The following MAF variants were observed in gnomAD, a reference collection of about 807,000 sequenced individuals.
MAF encodes the protein MAF bZIP transcription factor, also known as transcription factor Maf.
In MAF, 10 loss-of-function variants were observed where a neutral mutation model predicts 22.0. That is an observed-to-expected ratio of 0.45 (90% CI 0.28 to 0.77). The LOEUF (loss-of-function observed/expected upper bound fraction) is 0.77, where lower values mean the gene tolerates loss of function less well. Among genes scored for constraint, MAF ranks in the 30% least tolerant of loss-of-function variants. The pLI is 0.12. For missense variants in MAF, 544 were observed against 548.4 expected (o/e 0.99, Z 0.08); for synonymous variants, 337 against 255.8 (o/e 1.32, Z -3.03).
At chr16:79,285,736 C>T in the MAF span, among the ~76,000 whole-genome samples, 1 of 152,208 alleles carries the variant, frequency 6.6e-6, no homozygotes, top group South Asian at 2.1e-4. Flanking sequence ...GCAGGACTCA[C>T]CACCAAATGA....
chr16:79,537,666 T>C, the MAF span, among the ~76,000 whole-genome samples: 1 of 152,204 alleles, frequency 6.6e-6, no homozygotes, highest in Non-Finnish European at 1.5e-5. Context: ...TCAGAACAGA[T>C]GGCTCCTAGA....
the MAF span, among the ~76,000 whole-genome samples, chr16:79,552,752 C>G: frequency 6.6e-6 from 1 of 152,168 alleles, no homozygotes; most frequent in African/African-American, 2.4e-5. Context: ...TACCACCAGA[C>G]TAATTTCTGG....
the MAF span, among the ~76,000 whole-genome samples, chr16:79,580,047 T>G: frequency 1.3e-5 from 2 of 152,038 alleles, no homozygotes; most frequent in African/African-American, 4.8e-5. Context: ...AAGAAACCCT[T>G]CCTTATTATT....
chr16:79,257,499 A>G, the MAF span, among the ~76,000 whole-genome samples: 2 of 152,214 alleles, frequency 1.3e-5, no homozygotes, highest in Admixed American at 1.3e-4. Context: ...GAGGTTTTAA[A>G]GTAAATTCTC....
the MAF span, among the ~76,000 whole-genome samples, chr16:79,350,729 C>G: frequency 1.3e-5 from 2 of 152,152 alleles, no homozygotes; most frequent in Non-Finnish European, 2.9e-5. Context: ...GGGAGGGACC[C>G]TGCAGGGACC....
chr16:79,317,927 C>G, the MAF span, among the ~76,000 whole-genome samples: 1 of 150,060 alleles, frequency 6.7e-6, no homozygotes, highest in Admixed American at 6.6e-5. Flanking sequence ...CTCACTCACT[C>G]ACTCACTCAC....
chr16:79,424,279 A>G, the MAF span, among the ~76,000 whole-genome samples: 3 of 152,194 alleles, frequency 2.0e-5, no homozygotes, highest in Non-Finnish European at 2.9e-5. Flanking sequence ...AAAAGTTACC[A>G]CTAAGAAACA....
At chr16:79,467,350 G>A in the MAF span, among the ~76,000 whole-genome samples, 6 of 152,160 alleles carry the variant, frequency 3.9e-5, no homozygotes, top group Admixed American at 3.9e-4. Context: ...ATCTGCAAGG[G>A]GGCAGGCACG....
the MAF span, among the ~76,000 whole-genome samples, chr16:79,500,888 A>G: frequency 6.6e-6 from 1 of 152,114 alleles, no homozygotes; most frequent in South Asian, 2.1e-4. Context: ...TGCTGACTCA[A>G]AATACTGCAA....
the MAF span, among the ~76,000 whole-genome samples, chr16:79,450,024 A>G: frequency 1.3e-5 from 2 of 152,206 alleles, no homozygotes; most frequent in Non-Finnish European, 2.9e-5. Flanking sequence ...TCTTTTAGGC[A>G]ATTCTGAAAA....
At chr16:79,240,676 C>T in the MAF span, among the ~76,000 whole-genome samples, 1,493 of 151,864 alleles carry the variant, frequency 9.8e-3, 29 homozygotes, top group African/African-American at 0.034. Flanking sequence ...GAACTCCCAG[C>T]ACAGCATTTG....
At chr16:79,424,100 T>A in the MAF span, among the ~76,000 whole-genome samples, 5 of 152,232 alleles carry the variant, frequency 3.3e-5, no homozygotes, top group Non-Finnish European at 7.3e-5. Flanking sequence ...GCTAGGTATT[T>A]ATAGTTTACA....
chr16:79,374,882 G>A, the MAF span, among the ~76,000 whole-genome samples: 14 of 152,302 alleles, frequency 9.2e-5, no homozygotes, highest in African/African-American at 3.4e-4. Context: ...CAGTCAGGGT[G>A]GGGTATGAAA....
chr16:79,290,188 C>G, the MAF span, among the ~76,000 whole-genome samples: 110 of 152,214 alleles, frequency 7.2e-4, no homozygotes, highest in African/African-American at 2.5e-3. Context: ...AAGTCCAAAA[C>G]CCCATGGGAG....
chr16:79,428,096 T>TAA, the MAF span, among the ~76,000 whole-genome samples: 25,463 of 103,990 alleles, frequency 0.24, 3,474 homozygotes, highest in African/African-American at 0.35. Flanking sequence ...CGACTCAAAT[T>TAA]AAAAAAAAAA....
the MAF span, among the ~76,000 whole-genome samples, chr16:79,493,179 GT>G: frequency 1.4e-5 from 2 of 144,584 alleles, no homozygotes. Context: ...TTTTTTGTTT[GT>G]TTTTTTGTTT....
At chr16:79,411,144 G>C in the MAF span, among the ~76,000 whole-genome samples, 1 of 152,050 alleles carries the variant, frequency 6.6e-6, no homozygotes, top group Non-Finnish European at 1.5e-5. Context: ...TCACTATTCA[G>C]GTGATTTTCC....
chr16:79,480,108 T>C, the MAF span, among the ~76,000 whole-genome samples: 1 of 152,294 alleles, frequency 6.6e-6, no homozygotes, highest in East Asian at 1.9e-4. Context: ...CAGATACTCC[T>C]TGACTGCTTT....
In MAF at chr16:79,593,881, T is replaced by A. The variant is rs1913335258; in HGVS notation, c.*579A>T. 5.3e-6 allele frequency: 1 copy of A among 189,012 alleles called. No individual in the cohort carries two copies. Among genetic ancestry groups the A allele is most frequent in the Admixed American group, 6.2e-5 (1 of 16,206 alleles). The allele number at this position is 189,012 out of a possible 1,614,324, so 11.7% of individuals were successfully genotyped here. On this transcript the variant is annotated 3_prime_UTR_variant, in exon 2 of 2. Coordinates refer to ENST00000326043, the MANE Select transcript of MAF (RefSeq NM_005360.5). ...TATTTTGCCACACATTGTTTTCATT[T>A]ACAGCTATGTCTGACAAATGAGCAC... is the stretch of plus-strand genomic sequence containing the variant.
Sources: gnomAD v4.1 joint callset for allele counts (sites outside exome capture counted in the v4.1 genomes callset) on GRCh38, gnomAD v4.1.1 for gene constraint, MANE v1.5 for transcripts, NCBI Gene and HGNC (gene_info 2026-07-23, HGNC 2026-07-21) for gene names.